TMEM132C: variants seen among roughly 807,000 people sequenced by gnomAD.
TMEM132C encodes the protein protein phosphatase 1, regulatory subunit 152.
A neutral mutation model predicts 61.4 loss-of-function variants in TMEM132C; 29 were observed. That is an observed-to-expected ratio of 0.47 (90% confidence interval 0.35 to 0.64). TMEM132C has a LOEUF of 0.64. Ranked by LOEUF, TMEM132C falls within the 30% of genes least tolerant of loss-of-function variation. The probability of loss-of-function intolerance (pLI) is 0.00; values close to 1 mark genes in which losing one functional copy is unlikely to be tolerated. For synonymous variants in TMEM132C, 656 were observed against 633.1 expected, an observed-to-expected ratio of 1.04 and a Z score of -0.54; for missense variants, 1,408 against 1,476.9, an observed-to-expected ratio of 0.95 and a Z score of 0.76.
At chr12:128,632,089 C>T (rs1954069392) in intron 4 of TMEM132C, among the ~76,000 whole-genome samples, 1 of 152,210 alleles carries the variant, frequency 6.6e-6, no homozygotes, top group Non-Finnish European at 1.5e-5. Context: ...TTAGTTGTAG[C>T]ATACCGATCT....
rs182082511 is a variant in TMEM132C at position 128,467,716 on chromosome 12, C to A, written c.974+52096C>A. ...GAGGGAGCAGGATGAAGAGCCCAGA[C>A]TGGAGCTCTAATACTCAGCTTCCGA... On this transcript the variant is annotated intron_variant, in intron 2 of 8. Transcript: ENST00000435159. 3.9e-5 allele frequency among the ~76,000 whole-genome samples: 6 copies of A among 152,260 alleles called. No individual in the cohort carries two copies. The East Asian group carries it at 7.7e-4, about 20-fold the overall frequency.
At chr12:128,469,444 T>C (rs756183962) in intron 2 of TMEM132C, among the ~76,000 whole-genome samples, 10 of 151,346 alleles carry the variant, frequency 6.6e-5, no homozygotes, top group Non-Finnish European at 1.2e-4. Context: ...GCCTCCCAAG[T>C]AGCTGGGACT....
chr12:128,465,995 A>G (rs954465618), intron 2 of TMEM132C, among the ~76,000 whole-genome samples: 5 of 152,216 alleles, frequency 3.3e-5, no homozygotes, highest in Admixed American at 1.3e-4. Flanking sequence ...CAGAGTAAAG[A>G]TAACATTGCA....
At chr12:128,400,298 A>T (rs1035255444) in intron 1 of TMEM132C, 1 of 152,278 alleles carries the variant, frequency 6.6e-6, no homozygotes, top group Non-Finnish European at 1.5e-5. Flanking sequence ...GCACTCATGC[A>T]TAGATTCCAG....
chr12:128,380,958 G>T (rs995146614), intron 1 of TMEM132C, among the ~76,000 whole-genome samples: 20 of 152,170 alleles, frequency 1.3e-4, no homozygotes, highest in African/African-American at 4.8e-4. Context: ...TTGAATGCAG[G>T]TGTTGTCTCT....
intron 3 of TMEM132C, among the ~76,000 whole-genome samples, chr12:128,568,375 A>T (rs1176108288): frequency 1.3e-5 from 2 of 152,226 alleles, no homozygotes; most frequent in Non-Finnish European, 2.9e-5. Context: ...TTATGCTCAT[A>T]CCTTGTTCCA....
chr12:128,614,476 G>A (rs1253860783), intron 3 of TMEM132C, among the ~76,000 whole-genome samples: 1 of 151,976 alleles, frequency 6.6e-6, no homozygotes, highest in East Asian at 1.9e-4. Context: ...AAAAAAAACT[G>A]TTGGAGACTT....
intron 5 of TMEM132C, among the ~76,000 whole-genome samples, chr12:128,693,138 G>C (rs1954732115): frequency 6.6e-6 from 1 of 152,180 alleles, no homozygotes; most frequent in Admixed American, 6.5e-5. Flanking sequence ...CCTTGCCAAA[G>C]CCTGGGGACC....
intron 5 of TMEM132C, among the ~76,000 whole-genome samples, chr12:128,671,548 G>C (rs11059820): frequency 0.21 from 31,673 of 152,062 alleles, 3,743 homozygotes; most frequent in South Asian, 0.35. Flanking sequence ...CCTTCTCTCT[G>C]GTGTTTAAAA....
chr12:128,458,774 G>A (rs1409120253), intron 2 of TMEM132C, among the ~76,000 whole-genome samples: 2 of 152,190 alleles, frequency 1.3e-5, no homozygotes, highest in Admixed American at 1.3e-4. Flanking sequence ...TGAATGTGGA[G>A]TCTGGAAGGG....
At chr12:128,684,643 G>T (rs1027659927) in intron 5 of TMEM132C, among the ~76,000 whole-genome samples, 5 of 152,350 alleles carry the variant, frequency 3.3e-5, no homozygotes, top group Non-Finnish European at 7.3e-5. Context: ...TGGATAAAGT[G>T]TGATTTATCA....
chr12:128,341,827 T>C (rs1467531522), intron 1 of TMEM132C, among the ~76,000 whole-genome samples: 3 of 152,214 alleles, frequency 2.0e-5, no homozygotes, highest in Non-Finnish European at 4.4e-5. Flanking sequence ...TACTTTGTAT[T>C]TTAAATGAGA....
chr12:128,671,839 C>G (rs557677794), intron 5 of TMEM132C, among the ~76,000 whole-genome samples: 1 of 152,098 alleles, frequency 6.6e-6, no homozygotes, highest in African/African-American at 2.4e-5. Flanking sequence ...CTAATTTACC[C>G]GGAAGTGATA....
At chr12:128,276,915 C>CAA (rs1555249415) in intron 1 of TMEM132C, among the ~76,000 whole-genome samples, 1 of 151,688 alleles carries the variant, frequency 6.6e-6, no homozygotes, top group Non-Finnish European at 1.5e-5. Context: ...CACACACACA[C>CAA]AATTCTAGGC....
chr12:128,459,327 C>T (rs1164831968), intron 2 of TMEM132C, among the ~76,000 whole-genome samples: 1 of 152,214 alleles, frequency 6.6e-6, no homozygotes, highest in Admixed American at 6.5e-5. Flanking sequence ...AAGCCTCCCT[C>T]AGGAGCCTGG....
intron 4 of TMEM132C, among the ~76,000 whole-genome samples, chr12:128,625,098 C>G (rs1954002279): frequency 6.6e-6 from 1 of 152,176 alleles, no homozygotes; most frequent in Admixed American, 6.5e-5. Flanking sequence ...GAGAAACCCC[C>G]AGAGAATCCA....
chr12:128,558,846 G>A (rs1874414715), intron 3 of TMEM132C, among the ~76,000 whole-genome samples: 2 of 152,192 alleles, frequency 1.3e-5, no homozygotes, highest in African/African-American at 2.4e-5. Context: ...AACACTAAAG[G>A]TCCTAGGCTT....
intron 2 of TMEM132C, among the ~76,000 whole-genome samples, chr12:128,448,040 G>A (rs975734409): frequency 2.0e-5 from 3 of 152,064 alleles, no homozygotes. Context: ...TTCCTAAAAC[G>A]ATCCCACCGC....
chr12:128,414,365 G>T (rs567507387), intron 1 of TMEM132C, among the ~76,000 whole-genome samples: 1 of 152,176 alleles, frequency 6.6e-6, no homozygotes, highest in South Asian at 2.1e-4. Context: ...TGCTATTCAT[G>T]TACCAGTGCC....
Sources: gnomAD v4.1 joint callset for allele counts (sites outside exome capture counted in the v4.1 genomes callset) on GRCh38, gnomAD v4.1.1 for gene constraint, MANE v1.5 for transcripts, NCBI Gene and HGNC (gene_info 2026-07-23, HGNC 2026-07-21) for gene names.